JARID2: variants seen among roughly 807,000 people sequenced by gnomAD.
JARID2 encodes the protein protein Jumonji.
A neutral mutation model predicts 125.6 loss-of-function variants in JARID2; 21 were observed. The ratio of observed to expected loss-of-function variants is 0.17; its 90% CI spans 0.12 to 0.24. The LOEUF (loss-of-function observed/expected upper bound fraction) is 0.24, where lower values mean the gene tolerates loss of function less well. JARID2 is among the 10% of genes least tolerant of loss of function. The pLI, the probability that JARID2 is intolerant of heterozygous loss-of-function variation, is 1.00. For missense variants in JARID2, 1,303 were observed against 1,639.6 expected (o/e 0.79, Z 3.55); for synonymous variants, 736 against 661.6 (o/e 1.11, Z -1.73).
chr6:15,462,004 T>C (rs1230084928), intron 4 of JARID2, among the ~76,000 whole-genome samples: 1 of 152,190 alleles, frequency 6.6e-6, no homozygotes, highest in Non-Finnish European at 1.5e-5. Context: ...CTCATGCTAT[T>C]GAGGGCTGCT....
At chr6:15,335,622 C>A (rs148497973) in intron 1 of JARID2, among the ~76,000 whole-genome samples, 57 of 152,296 alleles carry the variant, frequency 3.7e-4, no homozygotes, top group African/African-American at 1.2e-3. Context: ...GCCTGCCTGT[C>A]CACATTGAGG....
chr6:15,321,793 T>C (rs923584244), intron 1 of JARID2, among the ~76,000 whole-genome samples: 1 of 135,740 alleles, frequency 7.4e-6, no homozygotes, highest in Admixed American at 7.4e-5. Context: ...GTTTTTTTTT[T>C]TTTTTTTTTT....
At chr6:15,458,750 C>T (rs367662962) in intron 4 of JARID2, among the ~76,000 whole-genome samples, 1 of 152,174 alleles carries the variant, frequency 6.6e-6, no homozygotes, top group Non-Finnish European at 1.5e-5. Flanking sequence ...ACATTTGCTG[C>T]GGGTCTCCGC....
chr6:15,332,093 A>G (rs890731280), intron 1 of JARID2, among the ~76,000 whole-genome samples: 1 of 152,164 alleles, frequency 6.6e-6, no homozygotes, highest in African/African-American at 2.4e-5. Context: ...GCTCGAAACC[A>G]GTTGCTCTTC....
At chr6:15,394,387 C>T (rs1352538247) in intron 2 of JARID2, among the ~76,000 whole-genome samples, 5 of 152,064 alleles carry the variant, frequency 3.3e-5, no homozygotes, top group East Asian at 3.9e-4. Flanking sequence ...TGGGGTGCCT[C>T]GGGAGGATCG....
At chr6:15,294,224 C>G (rs909353212) in intron 1 of JARID2, among the ~76,000 whole-genome samples, 1 of 152,112 alleles carries the variant, frequency 6.6e-6, no homozygotes, top group African/African-American at 2.4e-5. Flanking sequence ...GAGTCTTGCT[C>G]TGTTGCCAGG....
chr6:15,306,328 CTTTTTTTTTTTTTT>C (rs398000594), intron 1 of JARID2, among the ~76,000 whole-genome samples: 1 of 99,250 alleles, frequency 1.0e-5, no homozygotes, highest in Non-Finnish European at 2.0e-5. Flanking sequence ...AGTCATATTT[CTTTTTTTTTTTTTT>C]TTTTTTTTTG....
chr6:15,409,117 AT>A (rs1311849285), intron 2 of JARID2, among the ~76,000 whole-genome samples: 1 of 152,194 alleles, frequency 6.6e-6, no homozygotes, highest in Non-Finnish European at 1.5e-5. Flanking sequence ...ATGTTTATGT[AT>A]TTTTTAATCA....
intron 2 of JARID2, among the ~76,000 whole-genome samples, chr6:15,385,644 T>C (rs1490335058): frequency 2.0e-5 from 3 of 152,156 alleles, no homozygotes; most frequent in African/African-American, 7.2e-5. Flanking sequence ...TCCCTGTGCC[T>C]GGGATCTCCG....
At chr6:15,362,132 G>GC (rs375583648) in intron 1 of JARID2, among the ~76,000 whole-genome samples, 6,453 of 150,238 alleles carry the variant, frequency 0.043, 384 homozygotes, top group African/African-American at 0.13. Flanking sequence ...GGTGATCTGC[G>GC]CCCCCCCCGC....
Position 15,441,948 on chromosome 6 carries a change from C to T in JARID2, c.324-10058C>T, listed in dbSNP as rs1284919478. ...CTGGGATTACAGGCGCCTGCTACCACGCCCAGCTAATTTTTATATTTTTAG... is the reference window on the plus strand; with the variant it reads ...CTGGGATTACAGGCGCCTGCTACCATGCCCAGCTAATTTTTATATTTTTAG... On this transcript the variant is annotated intron_variant, in intron 3 of 17. Transcript: ENST00000341776. Among the ~76,000 whole-genome samples, 4 of 151,996 alleles carry T rather than the reference C, an allele frequency of 2.6e-5. No individual in the cohort carries two copies. The East Asian group carries it at 5.8e-4, about 22-fold the overall frequency.
At chr6:15,349,211 C>G (rs1452230152) in intron 1 of JARID2, among the ~76,000 whole-genome samples, 1 of 152,052 alleles carries the variant, frequency 6.6e-6, no homozygotes, top group East Asian at 1.9e-4. Context: ...TTTGAAGGAC[C>G]TAATTGCTAT....
intron 2 of JARID2, among the ~76,000 whole-genome samples, chr6:15,402,487 A>G (rs1274786284): frequency 6.6e-6 from 1 of 152,098 alleles, no homozygotes; most frequent in African/African-American, 2.4e-5. Context: ...GAGAAATCAA[A>G]TTTGGGCCTG....
intron 2 of JARID2, among the ~76,000 whole-genome samples, chr6:15,388,444 A>G (rs575067635): frequency 5.3e-4 from 81 of 151,998 alleles, no homozygotes; most frequent in Non-Finnish European, 1.0e-3. Context: ...CTTCCTCTAT[A>G]GGCTTTAAAA....
chr6:15,467,286 C>A (rs1237007376), intron 4 of JARID2, among the ~76,000 whole-genome samples: 1 of 152,110 alleles, frequency 6.6e-6, no homozygotes, highest in African/African-American at 2.4e-5. Context: ...TCTTTGAGAT[C>A]TCTATTTAGG....
chr6:15,347,148 A>G (rs1390841784), intron 1 of JARID2, among the ~76,000 whole-genome samples: 2 of 152,320 alleles, frequency 1.3e-5, no homozygotes, highest in East Asian at 3.9e-4. Context: ...ATGTGAAGTA[A>G]CTAAATATTC....
chr6:15,313,301 G>A (rs1335465715), intron 1 of JARID2, among the ~76,000 whole-genome samples: 1 of 152,302 alleles, frequency 6.6e-6, no homozygotes, highest in East Asian at 1.9e-4. Flanking sequence ...TATGTACACT[G>A]TAACATCTCA....
At chr6:15,274,882 C>T (rs560124626) in intron 1 of JARID2, among the ~76,000 whole-genome samples, 2 of 152,302 alleles carry the variant, frequency 1.3e-5, no homozygotes, top group African/African-American at 2.4e-5. Flanking sequence ...TAAAGCTCCA[C>T]CTGCAGTTAG....
At position 15,248,817 on chromosome 6, in the gene JARID2, C is replaced by G. The variant is rs909565670; in HGVS notation, c.45+2233C>G. ...GTGACGTCAAAAGTCGGGCGGGAGG[C>G]TCCAGGCGCGGCGGGGCGGCGGGGG... is the stretch of plus-strand genomic sequence containing the variant. On this transcript the variant is annotated intron_variant, in intron 1 of 17. Transcript: ENST00000341776. The G allele has an allele frequency of 1.2e-3, 906 of 730,590 alleles. 1 individual carries two copies. Among genetic ancestry groups the G allele is most frequent in the Admixed American group, 3.5e-3 (56 of 15,938 alleles). 45.3% of individuals were successfully genotyped at this position (730,590 alleles called of 1,614,324 possible). A position where few individuals can be genotyped will look rare whatever the true frequency, so the allele number is the denominator to read the frequency against.
Sources: allele counts gnomAD v4.1 joint callset (sites outside exome capture counted in the v4.1 genomes callset), GRCh38; gene constraint gnomAD v4.1.1; transcripts MANE v1.5; gene names NCBI Gene and HGNC (gene_info 2026-07-23, HGNC 2026-07-21).